Variants in PDSS2 observed in about 807,000 individuals in gnomAD.
PDSS2 encodes decaprenyl diphosphate synthase subunit 2, also known as all trans-polyprenyl-diphosphate synthase PDSS2.
Under a neutral mutation model 44.5 loss-of-function variants are expected in PDSS2, and 31 were observed. The ratio of observed to expected loss-of-function variants is 0.70; its 90% CI spans 0.52 to 0.94. The LOEUF (loss-of-function observed/expected upper bound fraction) is 0.94. Among genes scored for constraint, PDSS2 ranks in the 40% least tolerant of loss-of-function variants. The pLI, the probability that PDSS2 is intolerant of heterozygous loss-of-function variation, is 0.00. For synonymous variants in PDSS2, 157 were observed against 180.3 expected (o/e 0.87, Z 1.03); for missense variants, 452 against 482.2 (o/e 0.94, Z 0.59).
At chr6:107,333,528 G>T (rs563377765) in intron 2 of PDSS2, among the ~76,000 whole-genome samples, 2 of 152,030 alleles carry the variant, frequency 1.3e-5, no homozygotes, top group East Asian at 3.9e-4. Flanking sequence ...ATACAATGAG[G>T]TATTATTTTA....
At chr6:107,333,273 G>A (rs1777769036) in intron 2 of PDSS2, among the ~76,000 whole-genome samples, 1 of 152,088 alleles carries the variant, frequency 6.6e-6, no homozygotes, top group Admixed American at 6.5e-5. Flanking sequence ...TTTTAATACA[G>A]TGCCAAGCAT....
At chr6:107,199,668 C>G (rs1772703027) in intron 6 of PDSS2, among the ~76,000 whole-genome samples, 1 of 152,202 alleles carries the variant, frequency 6.6e-6, no homozygotes, top group African/African-American at 2.4e-5. Context: ...GAAATTTTCT[C>G]TTGCTCACAA....
At chr6:107,277,389 T>A (rs956702095) in intron 2 of PDSS2, among the ~76,000 whole-genome samples, 2 of 152,144 alleles carry the variant, frequency 1.3e-5, no homozygotes, top group African/African-American at 4.8e-5. Context: ...AAAGGGACTG[T>A]GTGGATAAGT....
At chr6:107,272,048 CCCTG>C in intron 3 of PDSS2, among the ~76,000 whole-genome samples, 1 of 149,560 alleles carries the variant, frequency 6.7e-6, no homozygotes, top group African/African-American at 2.5e-5. Flanking sequence ...CAGAGTAAGA[CCCTG>C]TCTCAAAAAA....
intron 4 of PDSS2, among the ~76,000 whole-genome samples, chr6:107,215,856 G>T (rs1239204322): frequency 2.6e-5 from 4 of 152,086 alleles, no homozygotes; most frequent in African/African-American, 2.4e-5. Flanking sequence ...TGGGAATAAG[G>T]TCGGGAACGG....
At chr6:107,163,576 T>C (rs949889837) in intron 7 of PDSS2, among the ~76,000 whole-genome samples, 1 of 152,114 alleles carries the variant, frequency 6.6e-6, no homozygotes, top group African/African-American at 2.4e-5. Context: ...GCAATAGGTC[T>C]ATCTTGAAAA....
intron 6 of PDSS2, among the ~76,000 whole-genome samples, chr6:107,201,305 C>G (rs1400957645): frequency 7.2e-6 from 1 of 139,274 alleles, no homozygotes; most frequent in Non-Finnish European, 1.5e-5. Flanking sequence ...TGAAAATAGA[C>G]AAGATAGTGT....
intron 2 of PDSS2, among the ~76,000 whole-genome samples, chr6:107,299,100 T>A (rs1776607354): frequency 7.6e-6 from 1 of 131,544 alleles, no homozygotes; most frequent in Non-Finnish European, 1.5e-5. Flanking sequence ...TGAGCTGAGA[T>A]CGTATCACTA....
intron 1 of PDSS2, among the ~76,000 whole-genome samples, chr6:107,429,213 C>T (rs1350386061): frequency 6.6e-6 from 1 of 152,144 alleles, no homozygotes; most frequent in Non-Finnish European, 1.5e-5. Flanking sequence ...AATGCAGATG[C>T]CTTATTTCCT....
At chr6:107,402,552 T>TATATAA (rs1357858952) in intron 1 of PDSS2, among the ~76,000 whole-genome samples, 5 of 23,604 alleles carry the variant, frequency 2.1e-4, no homozygotes, top group Non-Finnish European at 1.3e-3. Flanking sequence ...TATATATATA[T>TATATAA]AAAAATATAT....
intron 1 of PDSS2, among the ~76,000 whole-genome samples, chr6:107,432,519 G>A (rs957255654): frequency 8.5e-5 from 13 of 152,124 alleles, no homozygotes; most frequent in Non-Finnish European, 1.2e-4. Flanking sequence ...GGCCAGGTAC[G>A]GTGGCTCATG....
At chr6:107,229,338 C>T (rs940254247) in intron 4 of PDSS2, among the ~76,000 whole-genome samples, 1 of 152,006 alleles carries the variant, frequency 6.6e-6, no homozygotes, top group Admixed American at 6.6e-5. Flanking sequence ...AGGCGTGCAC[C>T]ACCATGCCCG....
At chr6:107,285,401 T>C (rs1776106492) in intron 2 of PDSS2, among the ~76,000 whole-genome samples, 1 of 151,936 alleles carries the variant, frequency 6.6e-6, no homozygotes, top group South Asian at 2.1e-4. Context: ...TCTCAGAACT[T>C]TGGGAGGCTG....
chr6:107,386,780 GTTCT>G (rs1779625610), intron 1 of PDSS2, among the ~76,000 whole-genome samples: 1 of 152,160 alleles, frequency 6.6e-6, no homozygotes, highest in African/African-American at 2.4e-5. Flanking sequence ...AATCAATTTT[GTTCT>G]TTCATCAGAG....
At chr6:107,280,668 C>A (rs1380474083) in intron 2 of PDSS2, among the ~76,000 whole-genome samples, 2 of 152,128 alleles carry the variant, frequency 1.3e-5, no homozygotes, top group Admixed American at 1.3e-4. Context: ...GCCTGGGCAA[C>A]AGAGACCCTG....
rs192371377 is a variant in PDSS2, at chr6:107,191,040, C to T, written c.1041+2782G>A. On this transcript the variant is annotated intron_variant, in intron 7 of 7. Transcript: ENST00000369037. The stretch of plus-strand genomic sequence containing the variant: ...CCAAGTAGCTGGGACTACAGGCGCC[C>T]GCCACCATGCCCAGCTAATTTTTTG... Among the ~76,000 whole-genome samples the T allele has an allele frequency of 3.3e-3, 505 of 152,184 alleles. 6 individuals carry two copies. The highest frequency in any genetic ancestry group is 0.012 in the African/African-American group (484 of 41,520).
chr6:107,323,278 C>T (rs973457), intron 2 of PDSS2, among the ~76,000 whole-genome samples: 81,999 of 152,006 alleles, frequency 0.54, 23,202 homozygotes, highest in Middle Eastern at 0.73. Context: ...GTTTCCTTAC[C>T]TACTCATTTG....
intron 1 of PDSS2, among the ~76,000 whole-genome samples, chr6:107,419,833 A>G (rs1780771386): frequency 6.6e-6 from 1 of 152,236 alleles, no homozygotes; most frequent in Non-Finnish European, 1.5e-5. Context: ...TTCTTTCAGC[A>G]GCAAAATCCA....
At chr6:107,222,981 C>A (rs947549287) in intron 4 of PDSS2, among the ~76,000 whole-genome samples, 1 of 150,646 alleles carries the variant, frequency 6.6e-6, no homozygotes, top group Non-Finnish European at 1.5e-5. Context: ...TGGAGTATCA[C>A]CCTGTCACCC....
Sources: gnomAD v4.1 joint callset for allele counts (sites outside exome capture counted in the v4.1 genomes callset) on GRCh38, gnomAD v4.1.1 for gene constraint, MANE v1.5 for transcripts, NCBI Gene and HGNC (gene_info 2026-07-23, HGNC 2026-07-21) for gene names.